Variants in CLDN10 observed in about 807,000 individuals in gnomAD.
CLDN10 encodes claudin 10, also known as claudin-10.
A neutral mutation model predicts 22.9 loss-of-function variants in CLDN10; 15 were observed. That is an observed-to-expected ratio of 0.65 (90% CI 0.44 to 1.01). The LOEUF is 1.01. CLDN10 is among the 50% of genes least tolerant of loss of function. CLDN10 has a pLI of 0.00. For synonymous variants in CLDN10, 114 were observed against 111.4 expected (o/e 1.02, Z -0.15); for missense variants, 247 against 287.8 (o/e 0.86, Z 1.03).
chr13:95,540,498 CA>C (rs201643063), intron 1 of CLDN10, among the ~76,000 whole-genome samples: 3 of 148,344 alleles, frequency 2.0e-5, no homozygotes, highest in South Asian at 2.1e-4. Flanking sequence ...GACTCTGTCT[CA>C]AAAAAAAAGC....
intron 1 of CLDN10, chr13:95,479,516 A>G (rs1397589116): frequency 2.0e-5 from 3 of 152,236 alleles, no homozygotes; most frequent in Non-Finnish European, 4.4e-5. Context: ...TTCGCTATAT[A>G]AAGTCATATT....
Position 95,560,430 on chromosome 13 carries a change from C to T in CLDN10, c.431C>T (p.Thr144Met), listed in dbSNP as rs374187735. Residue 144 changes from threonine (T) to methionine (M), a missense_variant, in exon 3 of 5, where the codon ACG becomes ATG. Thr to Met is a moderately conservative substitution (Grantham distance 81, BLOSUM62 -1). Coordinates refer to ENST00000299339, the MANE Select transcript of CLDN10 (RefSeq NM_006984.5). ...TCCCTATATGCAAACAAAATCACAA[C>T]GGAATTCTTTGATCCTCTCTTTGTT... is the stretch of plus-strand genomic sequence containing the variant. Reference protein sequence around the residue: ...GCSLYANKITTEFFDPLFVEQ... With the variant: ...GCSLYANKITMEFFDPLFVEQ... 8.1e-6 allele frequency: 13 copies of T among 1,613,738 alleles called. No homozygotes were observed. The highest frequency in any genetic ancestry group is 2.2e-5 in the East Asian group (1 of 44,874).
At chr13:95,538,766 C>T (rs116206143) in intron 1 of CLDN10, among the ~76,000 whole-genome samples, 2,748 of 152,334 alleles carry the variant, frequency 0.018, 88 homozygotes, top group African/African-American at 0.063. Context: ...ACACCGTTGT[C>T]CTGCTGTACC....
chr13:95,502,296 T>C (rs1373936680), intron 1 of CLDN10, among the ~76,000 whole-genome samples: 3 of 152,146 alleles, frequency 2.0e-5, no homozygotes, highest in East Asian at 3.9e-4. Flanking sequence ...CGAATCTTAA[T>C]TTTTTTGTCC....
chr13:95,566,274 C>T (rs2043786916), intron 3 of CLDN10, among the ~76,000 whole-genome samples: 2 of 152,198 alleles, frequency 1.3e-5, no homozygotes, highest in South Asian at 2.1e-4. Context: ...TCTCCACATC[C>T]TCCCCAGAAT....
intron 1 of CLDN10, among the ~76,000 whole-genome samples, chr13:95,487,556 A>G (rs189741804): frequency 1.2e-4 from 19 of 152,360 alleles, no homozygotes; most frequent in Admixed American, 8.5e-4. Context: ...ATTTTTCATT[A>G]TAGAGAATTT....
chr13:95,452,710 G>A (rs371048359), intron 1 of CLDN10, among the ~76,000 whole-genome samples: 2 of 152,208 alleles, frequency 1.3e-5, no homozygotes, highest in Admixed American at 6.5e-5. Context: ...TAACCTTCTC[G>A]AGATAGCCTG....
At chr13:95,566,704 T>A (rs1274394802) in intron 3 of CLDN10, among the ~76,000 whole-genome samples, 1 of 152,238 alleles carries the variant, frequency 6.6e-6, no homozygotes, top group East Asian at 1.9e-4. Flanking sequence ...CCCATGCCTA[T>A]GTCCTGAATG....
chr13:95,570,854 G>A (rs2043845965), intron 3 of CLDN10, among the ~76,000 whole-genome samples: 2 of 9,944 alleles, frequency 2.0e-4, no homozygotes, highest in South Asian at 4.8e-3. Context: ...ACACATATAC[G>A]TGTGTATATA....
chr13:95,546,665 T>C (rs923082788), intron 1 of CLDN10, among the ~76,000 whole-genome samples: 1 of 152,178 alleles, frequency 6.6e-6, no homozygotes, highest in African/African-American at 2.4e-5. Flanking sequence ...GGAATAAACT[T>C]TGCACCTGCT....
At chr13:95,556,612 G>A (rs1419622123) in intron 1 of CLDN10, among the ~76,000 whole-genome samples, 3 of 152,190 alleles carry the variant, frequency 2.0e-5, no homozygotes, top group Non-Finnish European at 4.4e-5. Flanking sequence ...TTTTACAGAT[G>A]AGAGAACTGA....
chr13:95,574,045 T>G (rs1361069311), intron 3 of CLDN10, among the ~76,000 whole-genome samples: 1 of 152,192 alleles, frequency 6.6e-6, no homozygotes, highest in African/African-American at 2.4e-5. Flanking sequence ...GCAAAGGACA[T>G]AAATTCATAC....
intron 1 of CLDN10, among the ~76,000 whole-genome samples, chr13:95,463,550 C>T (rs2042557860): frequency 6.6e-6 from 1 of 151,294 alleles, no homozygotes; most frequent in Non-Finnish European, 1.5e-5. Flanking sequence ...TCAGGCTGGT[C>T]TTGAACTCCT....
At chr13:95,536,810 G>C (rs895202079) in intron 1 of CLDN10, among the ~76,000 whole-genome samples, 2 of 150,522 alleles carry the variant, frequency 1.3e-5, no homozygotes, top group African/African-American at 4.9e-5. Context: ...TTAAAAAAAA[G>C]TTCATATTGA....
In CLDN10 at chr13:95,468,219, T is replaced by TTTTGTTTG. The variant is rs144985723; in HGVS notation, c.214+34196_214+34203dup. 4.2e-3 allele frequency among the ~76,000 whole-genome samples: 634 copies of TTTTGTTTG among 151,350 alleles called. 7 individuals carry two copies. The highest frequency in any genetic ancestry group is 0.015 in the African/African-American group (617 of 41,274). On this transcript the variant is annotated intron_variant, in intron 1 of 4. Transcript: ENST00000376873. ...TGATTAGATTCTGGATTCTTCCTGT[T>TTTTGTTTG]TTTGTTTGTTTGTTTGTTTGTTTGT...
chr13:95,511,170 A>AT (rs1176476084), intron 1 of CLDN10, among the ~76,000 whole-genome samples: 1 of 152,108 alleles, frequency 6.6e-6, no homozygotes, highest in Non-Finnish European at 1.5e-5. Context: ...ACTTGGTCCA[A>AT]TTTTTTCATA....
chr13:95,517,446 A>G (rs2043181559), intron 1 of CLDN10, among the ~76,000 whole-genome samples: 1 of 152,200 alleles, frequency 6.6e-6, no homozygotes, highest in South Asian at 2.1e-4. Flanking sequence ...ATTAAAAGCT[A>G]AACAAAAGCT....
intron 1 of CLDN10, among the ~76,000 whole-genome samples, chr13:95,543,546 C>T (rs968426354): frequency 4.6e-5 from 7 of 151,938 alleles, no homozygotes; most frequent in Non-Finnish European, 8.8e-5. Flanking sequence ...CTGCATTTTC[C>T]AAAATTCATA....
intron 1 of CLDN10, among the ~76,000 whole-genome samples, chr13:95,457,733 G>A (rs2042496501): frequency 6.6e-6 from 1 of 151,972 alleles, no homozygotes; most frequent in African/African-American, 2.4e-5. Flanking sequence ...AGGCAGCCTG[G>A]GTATATAGTG....
Sources: gnomAD v4.1 joint callset for allele counts (sites outside exome capture counted in the v4.1 genomes callset) on GRCh38, gnomAD v4.1.1 for gene constraint, MANE v1.5 for transcripts, NCBI Gene and HGNC (gene_info 2026-07-23, HGNC 2026-07-21) for gene names.